NOS1AP: variants seen among roughly 807,000 people sequenced by gnomAD.
NOS1AP encodes carboxyl-terminal PDZ ligand of neuronal nitric oxide synthase protein.
Under a neutral mutation model 56.2 loss-of-function variants are expected in NOS1AP, and 21 were observed. The ratio of observed to expected loss-of-function variants is 0.37; its 90% CI spans 0.26 to 0.54. The LOEUF (loss-of-function observed/expected upper bound fraction) is 0.54. NOS1AP is among the 20% of genes least tolerant of loss of function. The probability of loss-of-function intolerance (pLI) is 0.84; values close to 1 mark genes in which losing one functional copy is unlikely to be tolerated. For synonymous variants in NOS1AP, 270 were observed against 274.6 expected (o/e 0.98, Z 0.17); for missense variants, 522 against 657.8 (o/e 0.79, Z 2.26).
intron 2 of NOS1AP, among the ~76,000 whole-genome samples, chr1:162,171,077 C>T (rs892022067): frequency 2.0e-5 from 3 of 152,124 alleles, no homozygotes; most frequent in African/African-American, 4.8e-5. Context: ...TGCCAACATG[C>T]TGGGGAAGAC....
At chr1:162,289,464 CTTTTCTTTTTTTTTTTTTTTTTTTT>C (rs997637870) in intron 3 of NOS1AP, among the ~76,000 whole-genome samples, 2 of 45,050 alleles carry the variant, frequency 4.4e-5, no homozygotes, top group Admixed American at 8.4e-4. Context: ...CGCCCAGCTA[CTTTTCTTTTTTTTTTTTTTTTTTTT>C]TTTGAGACGG....
intron 4 of NOS1AP, chr1:162,317,343 T>C (rs1468892908): frequency 6.6e-6 from 1 of 152,092 alleles, no homozygotes; most frequent in Non-Finnish European, 1.5e-5. Context: ...TATAGAGAGA[T>C]ATATGTATAT....
chr1:162,355,488 T>C (rs1013709343), intron 7 of NOS1AP, 135 bp downstream of exon 7: 3 of 1,086,044 alleles, frequency 2.8e-6, no homozygotes, highest in Non-Finnish European at 1.4e-6. Context: ...GCGCACTTCA[T>C]TGCCTTTCAG....
intron 2 of NOS1AP, among the ~76,000 whole-genome samples, chr1:162,284,813 C>A (rs1180231520): frequency 6.6e-6 from 1 of 151,990 alleles, no homozygotes; most frequent in Non-Finnish European, 1.5e-5. Flanking sequence ...TTGCTATGCT[C>A]GGGTAAGAAA....
intron 2 of NOS1AP, among the ~76,000 whole-genome samples, chr1:162,243,910 G>A (rs1178158476): frequency 2.0e-5 from 3 of 152,168 alleles, no homozygotes; most frequent in East Asian, 3.9e-4. Flanking sequence ...TTAGGATTCA[G>A]CGTTGGTATT....
chr1:162,359,335 G>A (rs115568585), intron 8 of NOS1AP, among the ~76,000 whole-genome samples: 2,402 of 152,274 alleles, frequency 0.016, 32 homozygotes, highest in Middle Eastern at 0.031. Flanking sequence ...CAGATAGGAC[G>A]TTGGGGTCAT....
intron 8 of NOS1AP, chr1:162,365,170 G>A (rs757282982): frequency 6.2e-5 from 89 of 1,426,882 alleles, no homozygotes; most frequent in Middle Eastern, 5.2e-4. Flanking sequence ...CCTTAGTGAT[G>A]CATCATGGCC....
chr1:162,150,124 C>T lies in NOS1AP; in HGVS notation c.106-4281C>T, dbSNP rs564895546. Among the ~76,000 whole-genome samples the T allele has an allele frequency of 7.6e-4, 115 of 152,210 alleles. 1 individual carries two copies. Among genetic ancestry groups the T allele is most frequent in the African/African-American group, 2.7e-3 (111 of 41,548 alleles). On this transcript the variant is annotated intron_variant, in intron 1 of 9. Transcript: ENST00000361897. Reference sequence around the variant, plus strand: ...TGTACTCATTAACCATCCTTCCCTCCCTGCTGCAACTACCCTTCCCACCTA... The same window carrying T: ...TGTACTCATTAACCATCCTTCCCTCTCTGCTGCAACTACCCTTCCCACCTA...
At chr1:162,199,523 G>A (rs75402241) in intron 2 of NOS1AP, among the ~76,000 whole-genome samples, 7,777 of 151,888 alleles carry the variant, frequency 0.051, 321 homozygotes, top group South Asian at 0.16. Context: ...TCTGTGGTTT[G>A]CACAAGAAAA....
intron 1 of NOS1AP, among the ~76,000 whole-genome samples, chr1:162,117,591 C>G (rs185539333): frequency 8.5e-4 from 129 of 152,340 alleles, no homozygotes; most frequent in Non-Finnish European, 1.3e-3. Context: ...GCTGACCTCA[C>G]TCCTCCTTGT....
chr1:162,105,968 A>C (rs1264988506), intron 1 of NOS1AP, among the ~76,000 whole-genome samples: 2 of 152,150 alleles, frequency 1.3e-5, no homozygotes, highest in Non-Finnish European at 2.9e-5. Context: ...AGGGACATGC[A>C]TGGATGGATC....
At chr1:162,322,197 TG>T (rs1318172904) in intron 4 of NOS1AP, among the ~76,000 whole-genome samples, 2 of 152,202 alleles carry the variant, frequency 1.3e-5, no homozygotes, top group African/African-American at 4.8e-5. Context: ...GAAATGCTGA[TG>T]CCTGGAGTAC....
chr1:162,252,654 A>G (rs944927470), intron 2 of NOS1AP, among the ~76,000 whole-genome samples: 2 of 152,142 alleles, frequency 1.3e-5, no homozygotes, highest in African/African-American at 4.8e-5. Flanking sequence ...AAGAATTTCT[A>G]TTAATCCCTG....
At chr1:162,282,503 G>A (rs114928514) in intron 2 of NOS1AP, among the ~76,000 whole-genome samples, 3,642 of 148,576 alleles carry the variant, frequency 0.025, 65 homozygotes, top group Non-Finnish European at 0.037. Flanking sequence ...TGTAAATACT[G>A]CTGTGAACAT....
At chr1:162,241,167 T>C (rs1004115182) in intron 2 of NOS1AP, among the ~76,000 whole-genome samples, 1 of 152,122 alleles carries the variant, frequency 6.6e-6, no homozygotes. Flanking sequence ...AGGAAACATT[T>C]CAATTGAGAC....
Position 162,074,117 on chromosome 1 carries a change from T to C in NOS1AP, c.105+3835T>C, listed in dbSNP as rs1490924756. 2.6e-5 allele frequency among the ~76,000 whole-genome samples: 4 copies of C among 152,248 alleles called. No individual in the cohort carries two copies. The East Asian group carries it at 7.7e-4, about 29-fold the overall frequency. On this transcript the variant is annotated intron_variant, in intron 1 of 9. Coordinates refer to ENST00000361897, the MANE Select transcript of NOS1AP (RefSeq NM_014697.3). ...CTACATACAAAGACTTTTCCTCTTA[T>C]AGAGACAGGCACAGGCACATTAGTG...
chr1:162,150,683 T>C (rs1349232100), intron 1 of NOS1AP, among the ~76,000 whole-genome samples: 1 of 152,236 alleles, frequency 6.6e-6, no homozygotes, highest in East Asian at 1.9e-4. Context: ...TATCTCATTG[T>C]AGTTTTGATT....
chr1:162,076,447 T>C (rs1691768865), intron 1 of NOS1AP, among the ~76,000 whole-genome samples: 1 of 152,244 alleles, frequency 6.6e-6, no homozygotes, highest in Non-Finnish European at 1.5e-5. Context: ...AATAGTTTTA[T>C]TGAGATGTAG....
chr1:162,348,403 T>C (rs796630181), intron 6 of NOS1AP, among the ~76,000 whole-genome samples: 1 of 152,274 alleles, frequency 6.6e-6, no homozygotes, highest in African/African-American at 2.4e-5. Context: ...GAGGCCAGTG[T>C]GGTCACACTC....
Sources: allele counts gnomAD v4.1 joint callset (sites outside exome capture counted in the v4.1 genomes callset), GRCh38; gene constraint gnomAD v4.1.1; transcripts MANE v1.5; gene names NCBI Gene and HGNC (gene_info 2026-07-23, HGNC 2026-07-21).